CARMIL1: variants seen among roughly 807,000 people sequenced by gnomAD.
CARMIL1 encodes F-actin-uncapping protein LRRC16A.
In CARMIL1, 90 loss-of-function variants were observed where a neutral mutation model predicts 177.1. The ratio of observed to expected loss-of-function variants is 0.51; its 90% CI spans 0.43 to 0.61. CARMIL1 has a LOEUF of 0.61. Among genes scored for constraint, CARMIL1 ranks in the 20% least tolerant of loss-of-function variants. The pLI is 0.00. For synonymous variants in CARMIL1, 577 were observed against 606.2 expected, an observed-to-expected ratio of 0.95 and a Z score of 0.71; for missense variants, 1,380 against 1,667.0, an observed-to-expected ratio of 0.83 and a Z score of 3.00.
intron 5 of CARMIL1, among the ~76,000 whole-genome samples, chr6:25,439,337 A>G (rs2150784880): frequency 6.6e-6 from 1 of 152,176 alleles, no homozygotes; most frequent in Admixed American, 6.5e-5. Context: ...CTTGGAGGAG[A>G]GGTCTGGAGT....
intron 2 of CARMIL1, among the ~76,000 whole-genome samples, chr6:25,349,960 C>G (rs1787951792): frequency 6.6e-6 from 1 of 152,080 alleles, no homozygotes; most frequent in South Asian, 2.1e-4. Context: ...ATCTCCTGAC[C>G]TCGTGATCCG....
At chr6:25,303,823 G>A (rs1038712898) in intron 2 of CARMIL1, among the ~76,000 whole-genome samples, 2 of 152,214 alleles carry the variant, frequency 1.3e-5, no homozygotes, top group African/African-American at 4.8e-5. Context: ...AGCACTATCT[G>A]TTTGTAAAGG....
intron 16 of CARMIL1, 39 bp downstream of exon 16, chr6:25,495,254 T>G (rs746648114): frequency 7.1e-7 from 1 of 1,401,036 alleles, no homozygotes; most frequent in Non-Finnish European, 9.9e-7. Flanking sequence ...CTTTTAAAGT[T>G]CAACTTATTT....
intron 29 of CARMIL1, among the ~76,000 whole-genome samples, chr6:25,579,850 G>A (rs1269523287): frequency 1.3e-5 from 2 of 152,114 alleles, no homozygotes; most frequent in Non-Finnish European, 2.9e-5. Context: ...TTAAAGATCA[G>A]TATCAGCCAG....
rs11968608 is a variant in CARMIL1, at chr6:25,553,584, T to G, written c.2505-425T>G. On this transcript the variant is annotated intron_variant, in intron 27 of 36. Coordinates refer to ENST00000329474, the MANE Select transcript of CARMIL1 (RefSeq NM_017640.6). Reference sequence around the variant, plus strand: ...ATTGGTGAAAAGTTTTTTAAAAGGGTGAGTGATACGCATACTAAAGCAGTA... The same window carrying G: ...ATTGGTGAAAAGTTTTTTAAAAGGGGGAGTGATACGCATACTAAAGCAGTA... 3.9e-3 allele frequency among the ~76,000 whole-genome samples: 588 copies of G among 152,290 alleles called. 2 individuals carry two copies. Among genetic ancestry groups the G allele is most frequent in the Non-Finnish European group, 5.6e-3 (381 of 68,016 alleles).
chr6:25,601,539 C>G (rs1438603931), intron 33 of CARMIL1, among the ~76,000 whole-genome samples: 1 of 152,158 alleles, frequency 6.6e-6, no homozygotes, highest in Non-Finnish European at 1.5e-5. Context: ...TAACTTATTC[C>G]CTTTTCAAAC....
chr6:25,453,260 C>A (rs72831278), intron 8 of CARMIL1, among the ~76,000 whole-genome samples: 8,844 of 148,006 alleles, frequency 0.06, 307 homozygotes, highest in South Asian at 0.1. Context: ...AAAAAAAAAA[C>A]AAACATATTA....
chr6:25,575,861 A>G (rs1368861849), intron 29 of CARMIL1, among the ~76,000 whole-genome samples: 1 of 152,160 alleles, frequency 6.6e-6, no homozygotes, highest in East Asian at 1.9e-4. Flanking sequence ...CTTTACTTTA[A>G]AGAGACACAA....
At chr6:25,549,486 G>T (rs538955057) in intron 26 of CARMIL1, among the ~76,000 whole-genome samples, 3 of 152,266 alleles carry the variant, frequency 2.0e-5, no homozygotes, top group African/African-American at 7.2e-5. Context: ...GAGCTTTCTT[G>T]AAAAATATAC....
At chr6:25,442,633 T>C (rs1444750290) in intron 5 of CARMIL1, among the ~76,000 whole-genome samples, 1 of 150,046 alleles carries the variant, frequency 6.7e-6, no homozygotes, top group Non-Finnish European at 1.5e-5. Context: ...TAAGAAACAG[T>C]TCCTACCTTC....
At chr6:25,561,395 A>T (rs1262458180) in intron 29 of CARMIL1, among the ~76,000 whole-genome samples, 1 of 152,186 alleles carries the variant, frequency 6.6e-6, no homozygotes, top group Non-Finnish European at 1.5e-5. Context: ...CAATTATTTT[A>T]ATGAGCGTCA....
chr6:25,434,518 A>ATTTT lies in CARMIL1; in HGVS notation c.250-943_250-940dup, dbSNP rs5875039. Reference sequence around the variant, plus strand: ...CCCTCTTCTTAGAAAGCTCAAAACCATTTTTTTTTTTTTTTTTTTTTTTTT... The same window carrying ATTTT: ...CCCTCTTCTTAGAAAGCTCAAAACCATTTTTTTTTTTTTTTTTTTTTTTTTTTTT... On this transcript the variant is annotated intron_variant, in intron 4 of 36. Transcript: ENST00000329474. Among the ~76,000 whole-genome samples the ATTTT allele has an allele frequency of 5.9e-4, 60 of 101,698 alleles. 1 individual carries two copies. The highest frequency in any genetic ancestry group is 2.0e-3 in the African/African-American group (54 of 26,684). The allele number at this position is 101,698 out of a possible 152,430, so 66.7% of individuals were successfully genotyped here. A position where few individuals can be genotyped will look rare whatever the true frequency, so the allele number is the denominator to read the frequency against.
chr6:25,581,110 G>C, intron 30 of CARMIL1, 120 bp downstream of exon 30: 1 of 1,279,592 alleles, frequency 7.8e-7, no homozygotes, highest in East Asian at 2.5e-5. Flanking sequence ...TTGAGAAAGA[G>C]TTCAGTGATC....
chr6:25,299,746 C>T (rs1001382693), intron 2 of CARMIL1, among the ~76,000 whole-genome samples: 1 of 151,806 alleles, frequency 6.6e-6, no homozygotes, highest in East Asian at 2.0e-4. Flanking sequence ...GAGGCCGAGG[C>T]GAGCGGATCA....
chr6:25,419,384 TG>T (rs1021458628), intron 2 of CARMIL1, among the ~76,000 whole-genome samples: 1 of 152,012 alleles, frequency 6.6e-6, no homozygotes, highest in African/African-American at 2.4e-5. Context: ...AGTTGCAGAG[TG>T]GAAAGTTTTG....
At chr6:25,471,092 G>A in intron 9 of CARMIL1, 77 bp from the exon 10 acceptor site, 1 of 880,230 alleles carries the variant, frequency 1.1e-6, no homozygotes, top group South Asian at 1.8e-5. Context: ...TTAAAACTTT[G>A]CATTGCATAG....
intron 29 of CARMIL1, among the ~76,000 whole-genome samples, chr6:25,575,986 A>G (rs1233973152): frequency 6.6e-6 from 1 of 152,192 alleles, no homozygotes; most frequent in East Asian, 1.9e-4. Context: ...CCCAGGTGGA[A>G]GGAGTAGGTG....
chr6:25,584,846 A>G (rs1035656821), intron 31 of CARMIL1, among the ~76,000 whole-genome samples: 9 of 152,120 alleles, frequency 5.9e-5, no homozygotes, highest in Non-Finnish European at 1.0e-4. Flanking sequence ...TGCTTTTGCT[A>G]TTTCCTCAAA....
At chr6:25,521,061 C>T (rs1461800442) in intron 23 of CARMIL1, among the ~76,000 whole-genome samples, 7 of 151,912 alleles carry the variant, frequency 4.6e-5, no homozygotes, top group African/African-American at 1.7e-4. Context: ...TTCTCCTTGG[C>T]GATGTCATCC....
Sources: allele counts gnomAD v4.1 joint callset (sites outside exome capture counted in the v4.1 genomes callset), GRCh38; gene constraint gnomAD v4.1.1; transcripts MANE v1.5; gene names NCBI Gene and HGNC (gene_info 2026-07-23, HGNC 2026-07-21).